The following DAB2IP variants were observed in gnomAD, a reference collection of about 807,000 sequenced individuals.
The protein encoded by DAB2IP is disabled homolog 2-interacting protein.
DAB2IP carries 28 observed loss-of-function variants against 107.2 expected under a neutral mutation model. The observed-to-expected ratio is 0.26, with a 90% CI of 0.19 to 0.36. The LOEUF is 0.36. Ranked by LOEUF, DAB2IP falls within the 10% of genes least tolerant of loss-of-function variation. The pLI, the probability that DAB2IP is intolerant of heterozygous loss-of-function variation, is 1.00. For synonymous variants in DAB2IP, 755 were observed against 706.4 expected (o/e 1.07, Z -1.09); for missense variants, 1,400 against 1,644.7 (o/e 0.85, Z 2.57).
intron 9 of DAB2IP, among the ~76,000 whole-genome samples, chr9:121,767,482 C>A (rs1445055708): frequency 2.6e-5 from 4 of 152,224 alleles, no homozygotes; most frequent in African/African-American, 4.8e-5. Context: ...GATCCCCCAA[C>A]TGCATGTCAG....
At chr9:121,723,642 G>A (rs1279854209) in intron 3 of DAB2IP, among the ~76,000 whole-genome samples, 1 of 152,220 alleles carries the variant, frequency 6.6e-6, no homozygotes, top group African/African-American at 2.4e-5. Flanking sequence ...AGAACTGGAT[G>A]GGAAAGAACT....
chr9:121,771,852 A>C, intron 11 of DAB2IP, among the ~76,000 whole-genome samples: 1 of 143,828 alleles, frequency 7.0e-6, no homozygotes. Context: ...CAAGCCCCCC[A>C]AGTCCTTGCA....
chr9:121,613,053 G>C (rs1831150111), intron 1 of DAB2IP, among the ~76,000 whole-genome samples: 1 of 152,216 alleles, frequency 6.6e-6, no homozygotes, highest in Non-Finnish European at 1.5e-5. Flanking sequence ...CTTTCGGACA[G>C]GAAACAGAGG....
chr9:121,781,825 G>A (rs1043643008), intron 15 of DAB2IP, among the ~76,000 whole-genome samples: 2 of 151,732 alleles, frequency 1.3e-5, no homozygotes, highest in South Asian at 4.1e-4. Flanking sequence ...GAAGCCACCA[G>A]GAGGGCAGTG....
intron 1 of DAB2IP, among the ~76,000 whole-genome samples, chr9:121,657,097 C>T (rs1833001010): frequency 2.0e-5 from 3 of 152,198 alleles, no homozygotes; most frequent in Non-Finnish European, 4.4e-5. Context: ...TCAGGTGGGA[C>T]CTCCCCGGCC....
chr9:121,641,254 T>G (rs566355751), intron 1 of DAB2IP, among the ~76,000 whole-genome samples: 11 of 152,312 alleles, frequency 7.2e-5, no homozygotes, highest in African/African-American at 2.6e-4. Flanking sequence ...GAGCTGGGAT[T>G]GTTCTCACTC....
intron 2 of DAB2IP, among the ~76,000 whole-genome samples, chr9:121,689,976 C>A (rs138017166): frequency 6.6e-6 from 1 of 152,204 alleles, no homozygotes; most frequent in African/African-American, 2.4e-5. Context: ...CCAGCTCTGC[C>A]GCTTCCTGAC....
chr9:121,600,096 G>A (rs1248223173), intron 1 of DAB2IP, among the ~76,000 whole-genome samples: 1 of 152,082 alleles, frequency 6.6e-6, no homozygotes, highest in Non-Finnish European at 1.5e-5. Context: ...TGGGGCCCGC[G>A]GGCGGCGGGA....
At chr9:121,640,776 T>G (rs1832258911) in intron 1 of DAB2IP, among the ~76,000 whole-genome samples, 1 of 152,214 alleles carries the variant, frequency 6.6e-6, no homozygotes, top group African/African-American at 2.4e-5. Flanking sequence ...GGGCCAGTCC[T>G]GAGCCTCTGG....
At chr9:121,784,635 T>G (rs1835878979) in exon 16 of DAB2IP, 1 of 154,904 alleles carries the variant, frequency 6.5e-6, no homozygotes, top group Admixed American at 6.5e-5. Context: ...GTAATGTAAC[T>G]ATCTCACCTA....
At chr9:121,779,775 A>G (rs1025031275) in intron 14 of DAB2IP, among the ~76,000 whole-genome samples, 3 of 152,176 alleles carry the variant, frequency 2.0e-5, no homozygotes, top group Non-Finnish European at 4.4e-5. Flanking sequence ...TCTCATCTGC[A>G]TGCGGATATT....
chr9:121,661,583 A>G (rs1833205781), intron 1 of DAB2IP, among the ~76,000 whole-genome samples: 1 of 152,064 alleles, frequency 6.6e-6, no homozygotes, highest in African/African-American at 2.4e-5. Context: ...GTGTCGGGGA[A>G]ATTCTGGAAG....
intron 1 of DAB2IP, among the ~76,000 whole-genome samples, chr9:121,673,082 TC>T (rs529738789): frequency 6.6e-6 from 1 of 152,108 alleles, no homozygotes; most frequent in Non-Finnish European, 1.5e-5. Context: ...TTTACTTGGT[TC>T]CAAGGACTGG....
chr9:121,622,247 C>T (rs1831500038), intron 1 of DAB2IP, among the ~76,000 whole-genome samples: 1 of 152,150 alleles, frequency 6.6e-6, no homozygotes, highest in African/African-American at 2.4e-5. Flanking sequence ...CTCGGCCTGC[C>T]AAAGCTTTGG....
chr9:121,776,764 G>A lies in DAB2IP; in HGVS notation c.3314+373G>A, dbSNP rs1249045958. ...CCCCAATACAGGGTAAGAAAAGTGG[G>A]AATGAGTCTCAGTTACGTATAGTAG... On this transcript the variant is annotated intron_variant, in intron 14 of 15. Transcript: ENST00000408936. This position sits in a 1 kb window ranked among gnomAD's most constrained non-coding sequence, Gnocchi z 5.4. Among the ~76,000 whole-genome samples, 1 of 152,064 alleles carries A rather than the reference G, an allele frequency of 6.6e-6. No individual in the cohort carries two copies. The highest frequency in any genetic ancestry group is 1.5e-5 in the Non-Finnish European group (1 of 68,010).
chr9:121,677,673 T>C lies in DAB2IP; in HGVS notation c.125-1005T>C, dbSNP rs76691728. On this transcript the variant is annotated intron_variant, in intron 1 of 15. Transcript: ENST00000408936. ...GTTTTGGGGAACCTTTCCCCCCGCT[T>C]TTTTTTGAGACAGAGTCTCACTCTG... 8.3e-3 allele frequency among the ~76,000 whole-genome samples: 1,271 copies of C among 152,240 alleles called. 21 individuals carry two copies. The highest frequency in any genetic ancestry group is 0.03 in the African/African-American group (1,231 of 41,550).
chr9:121,675,168 G>A (rs1833844646), intron 1 of DAB2IP, among the ~76,000 whole-genome samples: 2 of 152,120 alleles, frequency 1.3e-5, no homozygotes. Flanking sequence ...GATGTGCGGG[G>A]TTGTGAGTCA....
intron 3 of DAB2IP, among the ~76,000 whole-genome samples, chr9:121,717,848 G>C (rs1255082520): frequency 6.6e-6 from 1 of 152,186 alleles, no homozygotes; most frequent in African/African-American, 2.4e-5. Flanking sequence ...CACAGTGATG[G>C]GTGTCCTGCA....
At chr9:121,676,611 G>A (rs1033852966) in intron 1 of DAB2IP, among the ~76,000 whole-genome samples, 6 of 147,872 alleles carry the variant, frequency 4.1e-5, no homozygotes, top group Non-Finnish European at 4.5e-5. Context: ...CAGCTTAGGC[G>A]TAGGTGTTAG....
Sources: allele counts gnomAD v4.1 joint callset (sites outside exome capture counted in the v4.1 genomes callset), GRCh38; gene constraint gnomAD v4.1.1; non-coding constraint Gnocchi (gnomAD v3.1); transcripts MANE v1.5; gene names NCBI Gene and HGNC (gene_info 2026-07-23, HGNC 2026-07-21).